BMPR1B: variants seen among roughly 807,000 people sequenced by gnomAD.
BMPR1B encodes bone morphogenetic protein receptor type 1B, also known as bone morphogenetic protein receptor type-1B.
Under a neutral mutation model 59.1 loss-of-function variants are expected in BMPR1B, and 12 were observed. The observed-to-expected ratio is 0.20, with a 90% confidence interval of 0.13 to 0.33. The LOEUF is 0.33. Ranked by LOEUF, BMPR1B falls within the 10% of genes least tolerant of loss-of-function variation. The probability of loss-of-function intolerance (pLI) is 1.00; values close to 1 mark genes in which losing one functional copy is unlikely to be tolerated. For synonymous variants in BMPR1B, 237 were observed against 207.3 expected (o/e 1.14, Z -1.23); for missense variants, 550 against 610.9 (o/e 0.90, Z 1.05).
intron 1 of BMPR1B, among the ~76,000 whole-genome samples, chr4:94,788,541 G>C (rs1051012085): frequency 2.0e-5 from 3 of 152,130 alleles, no homozygotes; most frequent in African/African-American, 7.2e-5. Flanking sequence ...CACTGGCTGT[G>C]GGTGAAGGGA....
At chr4:94,837,955 G>A (rs1451695807) in intron 1 of BMPR1B, among the ~76,000 whole-genome samples, 2 of 128,358 alleles carry the variant, frequency 1.6e-5, no homozygotes, top group Non-Finnish European at 3.3e-5. Context: ...TTTGTTGAGA[G>A]TTTTTAGCAT....
intron 1 of BMPR1B, among the ~76,000 whole-genome samples, chr4:94,838,648 CTT>C (rs1241434516): frequency 7.0e-5 from 10 of 142,106 alleles, no homozygotes; most frequent in Admixed American, 4.9e-4. Context: ...ATTCTTCTCT[CTT>C]TTTTTCTTTA....
rs577800855 is a variant in BMPR1B, at chr4:94,819,592, G to A, written c.-182-56239G>A. Reference sequence around the variant, plus strand: ...CCACTTAAACAGCTGCTTACTCTGTGTGTGTGTAAACAAGTTCTTCTCCCT... The same window carrying A: ...CCACTTAAACAGCTGCTTACTCTGTATGTGTGTAAACAAGTTCTTCTCCCT... On this transcript the variant is annotated intron_variant, in intron 1 of 12. Coordinates refer to ENST00000515059, the MANE Select transcript of BMPR1B (RefSeq NM_001203.3). Among the ~76,000 whole-genome samples the A allele has an allele frequency of 3.3e-5, 5 of 152,302 alleles. No individual in the cohort carries two copies. The South Asian group carries it at 1.0e-3, about 32-fold the overall frequency.
intron 1 of BMPR1B, among the ~76,000 whole-genome samples, chr4:94,770,169 C>T (rs1262176534): frequency 6.2e-5 from 6 of 96,860 alleles, no homozygotes; most frequent in African/African-American, 9.4e-5. Flanking sequence ...TTTGAATTGT[C>T]CTTCGTTTCT....
intron 3 of BMPR1B, among the ~76,000 whole-genome samples, chr4:95,046,954 G>C (rs535748027): frequency 6.6e-6 from 1 of 152,334 alleles, no homozygotes; most frequent in East Asian, 1.9e-4. Flanking sequence ...GCACAAGCAG[G>C]TGTATAACCA....
intron 2 of BMPR1B, among the ~76,000 whole-genome samples, chr4:94,937,216 C>T (rs1365382323): frequency 6.6e-6 from 1 of 152,172 alleles, no homozygotes; most frequent in African/African-American, 2.4e-5. Flanking sequence ...CCTACCTCTT[C>T]TCTTGATTGG....
Position 95,154,639 on chromosome 4 carries a change from C to T in BMPR1B, c.1475C>T (p.Ala492Val). The T allele has an allele frequency of 6.2e-7, 1 of 1,614,052 alleles. No homozygotes were observed. Among genetic ancestry groups the T allele is most frequent in the Non-Finnish European group, 8.5e-7 (1 of 1,179,972 alleles). Residue 492 changes from alanine (A) to valine (V), a missense_variant, in exon 13 of 13, where the codon GCC (alanine) becomes GTC (valine). Coordinates refer to ENST00000515059, the MANE Select transcript of BMPR1B (RefSeq NM_001203.3). The part of the protein sequence containing the change: ...LTALRVKKTL[A>V]KMSESQDIKL The stretch of plus-strand genomic sequence containing the variant: ...GCCCTGCGGGTTAAGAAAACACTTG[C>T]CAAAATGTCAGAGTCCCAGGACATT...
At chr4:94,989,181 G>A (rs1721586630) in intron 2 of BMPR1B, among the ~76,000 whole-genome samples, 1 of 151,938 alleles carries the variant, frequency 6.6e-6, no homozygotes, top group Non-Finnish European at 1.5e-5. Context: ...ACGAGGTGAA[G>A]AGATCGAGAC....
At chr4:95,071,644 G>GTATATA (rs1410154969) in intron 3 of BMPR1B, among the ~76,000 whole-genome samples, 2 of 83,620 alleles carry the variant, frequency 2.4e-5, no homozygotes, top group African/African-American at 1.1e-4. Context: ...GTGTGTGTGT[G>GTATATA]TGTGTGTGTA....
chr4:95,145,528 C>T (rs1455727799), intron 10 of BMPR1B, among the ~76,000 whole-genome samples: 1 of 152,172 alleles, frequency 6.6e-6, no homozygotes, highest in East Asian at 1.9e-4. Context: ...TTCCCTTTTT[C>T]TTCCTTTATT....
chr4:94,817,304 T>C (rs1337399263), intron 1 of BMPR1B, among the ~76,000 whole-genome samples: 1 of 152,254 alleles, frequency 6.6e-6, no homozygotes, highest in Non-Finnish European at 1.5e-5. Context: ...TTGAGAATTC[T>C]TGGCTGGTAT....
At chr4:94,817,592 G>T (rs773267948) in intron 1 of BMPR1B, among the ~76,000 whole-genome samples, 1 of 151,840 alleles carries the variant, frequency 6.6e-6, no homozygotes, top group Non-Finnish European at 1.5e-5. Flanking sequence ...TTAGCCATAT[G>T]CTTCTGTTGT....
intron 10 of BMPR1B, among the ~76,000 whole-genome samples, chr4:95,136,696 A>G (rs887401962): frequency 5.9e-5 from 9 of 152,134 alleles, no homozygotes; most frequent in African/African-American, 2.2e-4. Flanking sequence ...TTATTTGCGT[A>G]GAGGTGTTTA....
At chr4:95,139,827 G>A (rs534174190) in intron 10 of BMPR1B, among the ~76,000 whole-genome samples, 11 of 152,252 alleles carry the variant, frequency 7.2e-5, no homozygotes, top group African/African-American at 1.2e-4. Flanking sequence ...TCCAGGTACC[G>A]TGTGTCATGG....
intron 3 of BMPR1B, among the ~76,000 whole-genome samples, chr4:95,043,896 G>A: frequency 6.6e-6 from 1 of 152,130 alleles, no homozygotes; most frequent in South Asian, 2.1e-4. Flanking sequence ...GACAGTATTT[G>A]TATTAGGTGA....
At chr4:95,083,650 A>AT (rs1385513206) in intron 3 of BMPR1B, among the ~76,000 whole-genome samples, 1 of 152,144 alleles carries the variant, frequency 6.6e-6, no homozygotes, top group Non-Finnish European at 1.5e-5. Flanking sequence ...ATAACACACT[A>AT]TTTTTTGGTG....
intron 1 of BMPR1B, among the ~76,000 whole-genome samples, chr4:94,780,682 C>CTTTTTT (rs869117575): frequency 4.9e-5 from 4 of 82,342 alleles, no homozygotes; most frequent in African/African-American, 1.0e-4. Flanking sequence ...GTATTATTGT[C>CTTTTTT]TTTTTTTTTT....
At chr4:94,764,150 T>A (rs1365261828) in intron 1 of BMPR1B, among the ~76,000 whole-genome samples, 2 of 152,136 alleles carry the variant, frequency 1.3e-5, no homozygotes, top group Non-Finnish European at 2.9e-5. Flanking sequence ...TCAGATATAT[T>A]TTGGTTGCCA....
chr4:94,879,901 C>A (rs1023801556), intron 2 of BMPR1B, among the ~76,000 whole-genome samples: 1 of 152,002 alleles, frequency 6.6e-6, no homozygotes, highest in Admixed American at 6.6e-5. Flanking sequence ...TGTGGTTAAA[C>A]CAACCATATG....
Sources: gnomAD v4.1 joint callset for allele counts (sites outside exome capture counted in the v4.1 genomes callset) on GRCh38, gnomAD v4.1.1 for gene constraint, MANE v1.5 for transcripts, NCBI Gene and HGNC (gene_info 2026-07-23, HGNC 2026-07-21) for gene names.